BTBD9: variants seen among roughly 807,000 people sequenced by gnomAD.
BTBD9 encodes the protein BTB/POZ domain-containing protein 9.
BTBD9 carries 49 observed loss-of-function variants against 64.3 expected under a neutral mutation model. The ratio of observed to expected loss-of-function variants is 0.76; its 90% CI spans 0.61 to 0.97. The LOEUF (loss-of-function observed/expected upper bound fraction) is 0.97. Among genes scored for constraint, BTBD9 ranks in the 50% least tolerant of loss-of-function variants. The probability of loss-of-function intolerance (pLI) is 0.00; values close to 1 mark genes in which losing one functional copy is unlikely to be tolerated. For synonymous variants in BTBD9, 260 were observed against 274.7 expected (o/e 0.95, Z 0.53); for missense variants, 598 against 762.1 (o/e 0.78, Z 2.53).
At chr6:38,223,204 G>A (rs1309594081) in intron 9 of BTBD9, among the ~76,000 whole-genome samples, 1 of 152,176 alleles carries the variant, frequency 6.6e-6, no homozygotes, top group Admixed American at 6.5e-5. Context: ...ACTACGCCCG[G>A]CCTAGAGGAA....
intron 7 of BTBD9, among the ~76,000 whole-genome samples, chr6:38,323,011 A>T (rs1404964356): frequency 6.6e-6 from 1 of 152,232 alleles, no homozygotes; most frequent in African/African-American, 2.4e-5. Context: ...AGAAGGGGAG[A>T]TGTCTGAATA....
At chr6:38,556,573 G>T (rs923327217) in intron 6 of BTBD9, among the ~76,000 whole-genome samples, 3 of 143,456 alleles carry the variant, frequency 2.1e-5, no homozygotes, top group African/African-American at 8.1e-5. Flanking sequence ...GAGAGAGAGA[G>T]AGATTTGATC....
intron 6 of BTBD9, among the ~76,000 whole-genome samples, chr6:38,556,577 T>C (rs1456063734): frequency 1.4e-5 from 2 of 141,620 alleles, no homozygotes; most frequent in Non-Finnish European, 3.1e-5. Flanking sequence ...GAGAGAGAGA[T>C]TTGATCACCC....
chr6:38,539,556 C>T (rs891703428), intron 6 of BTBD9, among the ~76,000 whole-genome samples: 2 of 152,132 alleles, frequency 1.3e-5, no homozygotes, highest in Admixed American at 6.5e-5. Flanking sequence ...GGTAGAAACA[C>T]GGATGATCAA....
intron 1 of BTBD9, among the ~76,000 whole-genome samples, chr6:38,625,906 T>G (rs765190524): frequency 1.2e-4 from 19 of 152,200 alleles, no homozygotes; most frequent in Non-Finnish European, 2.4e-4. Context: ...ATACTATCAT[T>G]TTCCTTCTCA....
At chr6:38,541,487 C>T (rs531637883) in intron 6 of BTBD9, among the ~76,000 whole-genome samples, 1 of 152,236 alleles carries the variant, frequency 6.6e-6, no homozygotes, top group South Asian at 2.1e-4. Flanking sequence ...GCCTGTAATC[C>T]CAGCACTTTG....
At chr6:38,565,327 G>A (rs771636443) in intron 6 of BTBD9, among the ~76,000 whole-genome samples, 2 of 152,120 alleles carry the variant, frequency 1.3e-5, no homozygotes. Flanking sequence ...ATGTTTAACA[G>A]CATCTGTGGT....
chr6:38,176,059 C>T (rs1761229766), intron 10 of BTBD9, among the ~76,000 whole-genome samples: 1 of 152,232 alleles, frequency 6.6e-6, no homozygotes, highest in Non-Finnish European at 1.5e-5. Flanking sequence ...GCACCGAGCT[C>T]AGCGCCCCGC....
At chr6:38,572,564 A>C (rs1775819646) in intron 6 of BTBD9, among the ~76,000 whole-genome samples, 1 of 152,178 alleles carries the variant, frequency 6.6e-6, no homozygotes, top group Non-Finnish European at 1.5e-5. Context: ...AATAATTAAA[A>C]TACTTTCAGC....
At chr6:38,371,513 C>T (rs967763727) in intron 6 of BTBD9, among the ~76,000 whole-genome samples, 10 of 152,114 alleles carry the variant, frequency 6.6e-5, no homozygotes, top group African/African-American at 2.4e-4. Context: ...GTGGTGTTTG[C>T]GAGACACAGC....
chr6:38,453,984 C>T (rs1769675617), intron 6 of BTBD9, among the ~76,000 whole-genome samples: 1 of 152,110 alleles, frequency 6.6e-6, no homozygotes, highest in African/African-American at 2.4e-5. Context: ...AAAAGTGGCT[C>T]CTTTTTATTG....
intron 9 of BTBD9, among the ~76,000 whole-genome samples, chr6:38,205,051 TA>T (rs1400593164): frequency 6.6e-6 from 1 of 151,926 alleles, no homozygotes. Context: ...ATGACAAAGA[TA>T]AAAAATAGAA....
intron 6 of BTBD9, among the ~76,000 whole-genome samples, chr6:38,433,824 C>T (rs181072109): frequency 6.6e-6 from 1 of 152,072 alleles, no homozygotes; most frequent in Non-Finnish European, 1.5e-5. Flanking sequence ...CTTCCTCCAC[C>T]ATAATATGTA....
intron 6 of BTBD9, among the ~76,000 whole-genome samples, chr6:38,421,170 T>C (rs538530694): frequency 1.1e-3 from 161 of 152,068 alleles, no homozygotes; most frequent in Non-Finnish European, 2.1e-3. Context: ...CTGGCCAACA[T>C]GGCAAAACCC....
intron 7 of BTBD9, among the ~76,000 whole-genome samples, chr6:38,293,766 A>T (rs967927808): frequency 6.6e-6 from 1 of 152,240 alleles, no homozygotes; most frequent in African/African-American, 2.4e-5. Flanking sequence ...ATGGGCAAAG[A>T]CTTCATGACT....
chr6:38,302,485 G>GTATATATATATATATATGTATA (rs1762443568), intron 7 of BTBD9, among the ~76,000 whole-genome samples: 1 of 106,908 alleles, frequency 9.4e-6, no homozygotes, highest in Non-Finnish European at 1.9e-5. Flanking sequence ...TTGTGTGTAT[G>GTATATATATATATATATGTATA]TATATATATA....
intron 6 of BTBD9, chr6:38,402,935 T>C (rs866096172): frequency 7.4e-6 from 5 of 673,452 alleles, no homozygotes; most frequent in Middle Eastern, 2.6e-4. Flanking sequence ...AGCTGGACTT[T>C]GGTGGTGTGC....
intron 6 of BTBD9, among the ~76,000 whole-genome samples, chr6:38,548,143 C>T (rs961022291): frequency 6.6e-6 from 1 of 152,162 alleles, no homozygotes; most frequent in Admixed American, 6.5e-5. Context: ...TGCAGCAAAT[C>T]TATAAGTATA....
intron 6 of BTBD9, among the ~76,000 whole-genome samples, chr6:38,376,758 T>G (rs552416972): frequency 1.3e-5 from 2 of 152,224 alleles, no homozygotes; most frequent in Non-Finnish European, 2.9e-5. Flanking sequence ...CTAGTCTAAA[T>G]ACTCTGGGTA....
Sources: gnomAD v4.1 joint callset for allele counts (sites outside exome capture counted in the v4.1 genomes callset) on GRCh38, gnomAD v4.1.1 for gene constraint, MANE v1.5 for transcripts, NCBI Gene and HGNC (gene_info 2026-07-23, HGNC 2026-07-21) for gene names.